The following MCTP1 variants were observed in gnomAD, a reference collection of about 807,000 sequenced individuals.
MCTP1 encodes the protein multiple C2 and transmembrane domain-containing protein 1.
A neutral mutation model predicts 120.6 loss-of-function variants in MCTP1; 69 were observed. The ratio of observed to expected loss-of-function variants is 0.57; its 90% CI spans 0.47 to 0.70. MCTP1 has a LOEUF of 0.70. MCTP1 is among the 30% of genes least tolerant of loss of function. MCTP1 has a pLI of 0.00. For synonymous variants in MCTP1, 529 were observed against 493.1 expected (o/e 1.07, Z -0.96); for missense variants, 1,203 against 1,248.8 (o/e 0.96, Z 0.55).
chr5:95,049,060 C>T (rs913300923), intron 1 of MCTP1, among the ~76,000 whole-genome samples: 1 of 152,114 alleles, frequency 6.6e-6, no homozygotes, highest in African/African-American at 2.4e-5. Context: ...TTATTTTGAT[C>T]TCATGCTTCT....
At position 94,704,838 on chromosome 5, in the gene MCTP1, TATG is replaced by T. The variant is rs1754167086; in HGVS notation, c.*2655_*2657del. On this transcript the variant is annotated 3_prime_UTR_variant, in exon 23 of 23. Transcript: ENST00000515393. ...GGAATTCCAGTTTTTGAACATTCTA[TATG>T]CACTAGGATAATCTGAGTTGGGAGA... The T allele has an allele frequency of 6.9e-6, 1 of 145,458 alleles. No homozygotes were observed. The highest frequency in any genetic ancestry group is 1.5e-5 in the Non-Finnish European group (1 of 65,854). 9.0% of individuals were successfully genotyped at this position (145,458 alleles called of 1,614,324 possible).
intron 2 of MCTP1, among the ~76,000 whole-genome samples, chr5:94,998,093 G>A (rs1349059608): frequency 6.6e-6 from 1 of 152,046 alleles, no homozygotes; most frequent in Non-Finnish European, 1.5e-5. Context: ...TTTGTCTTAT[G>A]CAAACTGAAA....
intron 1 of MCTP1, among the ~76,000 whole-genome samples, chr5:95,148,179 G>A (rs1760583307): frequency 6.6e-6 from 1 of 152,080 alleles, no homozygotes; most frequent in Non-Finnish European, 1.5e-5. Flanking sequence ...ATGTGCTTGG[G>A]GATGATTGTC....
At chr5:94,994,993 G>A (rs778702079) in intron 2 of MCTP1, among the ~76,000 whole-genome samples, 10 of 152,134 alleles carry the variant, frequency 6.6e-5, no homozygotes, top group Non-Finnish European at 8.8e-5. Flanking sequence ...CTGCACTATC[G>A]GCTTCCTACT....
At chr5:95,154,979 TAG>T (rs1562188978) in intron 1 of MCTP1, among the ~76,000 whole-genome samples, 3 of 152,272 alleles carry the variant, frequency 2.0e-5, no homozygotes, top group South Asian at 2.1e-4. Context: ...GAGCACGGTT[TAG>T]ACACTATGCT....
rs904209585 is a variant in MCTP1 at position 94,923,993 on chromosome 5, G to A, written c.1241C>T (p.Ser414Phe). Residue 414 changes from serine to phenylalanine, a missense_variant, in exon 7 of 23, where the codon TCT (serine) becomes TTT (phenylalanine). Coordinates refer to ENST00000515393, the MANE Select transcript of MCTP1 (RefSeq NM_024717.7). ...KELSENEVVG[S>F]YFSVKSLFWR... ...AAAGAGAGACTTCACAGAGAAATAA[G>A]ATCCAACCACTTCATTTTCTGAAAG... 2 of 1,516,608 alleles carry A rather than the reference G, an allele frequency of 1.3e-6. No homozygotes were observed. Among genetic ancestry groups the A allele is most frequent in the African/African-American group, 2.9e-5 (2 of 69,190 alleles). 93.9% of individuals were successfully genotyped at this position (1,516,608 alleles called of 1,614,324 possible).
At chr5:94,839,534 A>G (rs1790540151) in intron 17 of MCTP1, among the ~76,000 whole-genome samples, 1 of 152,208 alleles carries the variant, frequency 6.6e-6, no homozygotes, top group South Asian at 2.1e-4. Context: ...TAAAATAAAC[A>G]TGAAAATGGC....
At chr5:94,876,525 A>T (rs954005067) in intron 12 of MCTP1, among the ~76,000 whole-genome samples, 1 of 152,160 alleles carries the variant, frequency 6.6e-6, no homozygotes, top group Non-Finnish European at 1.5e-5. Flanking sequence ...GTTTCTGATA[A>T]TTTTTGAGAG....
intron 18 of MCTP1, among the ~76,000 whole-genome samples, chr5:94,786,135 G>A (rs985492196): frequency 1.3e-5 from 2 of 152,104 alleles, no homozygotes; most frequent in Non-Finnish European, 1.5e-5. Flanking sequence ...GATCTGTTAG[G>A]TTTGATTCAC....
At chr5:95,099,361 G>C (rs376470291) in intron 1 of MCTP1, among the ~76,000 whole-genome samples, 3 of 150,864 alleles carry the variant, frequency 2.0e-5, no homozygotes. Flanking sequence ...GAAAATTTTC[G>C]CAACCTACTC....
intron 1 of MCTP1, among the ~76,000 whole-genome samples, chr5:95,217,770 C>T (rs1307640067): frequency 6.6e-6 from 1 of 151,972 alleles, no homozygotes; most frequent in African/African-American, 2.4e-5. Context: ...CATTAACCAC[C>T]CCTCATTTAA....
chr5:94,805,891 T>C (rs1782169181), intron 17 of MCTP1, among the ~76,000 whole-genome samples: 1 of 149,226 alleles, frequency 6.7e-6, no homozygotes, highest in African/African-American at 2.5e-5. Flanking sequence ...TGGTCTTAGA[T>C]TGAATGTTGA....
chr5:94,716,970 G>A (rs1414193000), intron 19 of MCTP1, among the ~76,000 whole-genome samples: 1 of 152,064 alleles, frequency 6.6e-6, no homozygotes, highest in Non-Finnish European at 1.5e-5. Context: ...CAAAAGATTG[G>A]TATATGATAA....
chr5:94,760,521 A>G (rs528734718), intron 19 of MCTP1, among the ~76,000 whole-genome samples: 60 of 152,294 alleles, frequency 3.9e-4, no homozygotes, highest in Non-Finnish European at 7.1e-4. Context: ...ATTGCTGATC[A>G]GGATACTTGG....
At chr5:95,215,791 T>A (rs1427759395) in intron 1 of MCTP1, among the ~76,000 whole-genome samples, 1 of 152,154 alleles carries the variant, frequency 6.6e-6, no homozygotes, top group Non-Finnish European at 1.5e-5. Context: ...AGCAACCACC[T>A]ACCTCTCAAA....
intron 9 of MCTP1, 34 bp downstream of exon 9, chr5:94,912,772 A>C (rs772867346): frequency 6.7e-7 from 1 of 1,484,342 alleles, no homozygotes; most frequent in Non-Finnish European, 9.0e-7. Context: ...ATGCCTTCCA[A>C]ATATTGACAG....
chr5:95,251,095 G>A (rs546118591), intron 1 of MCTP1, among the ~76,000 whole-genome samples: 9 of 152,034 alleles, frequency 5.9e-5, no homozygotes, highest in Non-Finnish European at 1.0e-4. Context: ...CGAGAATTTC[G>A]GACAGAGACA....
intron 17 of MCTP1, among the ~76,000 whole-genome samples, chr5:94,819,529 T>C (rs971998288): frequency 6.6e-6 from 1 of 152,200 alleles, no homozygotes; most frequent in African/African-American, 2.4e-5. Flanking sequence ...ACAATATTCA[T>C]AGATTTCCTG....
At chr5:94,720,149 A>G (rs565979808) in intron 19 of MCTP1, among the ~76,000 whole-genome samples, 47 of 151,988 alleles carry the variant, frequency 3.1e-4, no homozygotes, top group South Asian at 4.1e-4. Context: ...AAATAAAAAT[A>G]AAATAAAAAT....
Sources: gnomAD v4.1 joint callset for allele counts (sites outside exome capture counted in the v4.1 genomes callset) on GRCh38, gnomAD v4.1.1 for gene constraint, MANE v1.5 for transcripts, NCBI Gene and HGNC (gene_info 2026-07-23, HGNC 2026-07-21) for gene names.